MBTPS1: variants seen among roughly 807,000 people sequenced by gnomAD.
MBTPS1 encodes the protein membrane bound transcription factor peptidase, site 1, also known as membrane-bound transcription factor site-1 protease.
MBTPS1 carries 94 observed loss-of-function variants against 127.8 expected under a neutral mutation model. The observed-to-expected ratio is 0.74, with a 90% CI of 0.62 to 0.87. MBTPS1 has a LOEUF of 0.87. MBTPS1 is among the 40% of genes least tolerant of loss of function. MBTPS1 has a pLI of 0.00. For missense variants in MBTPS1, 1,636 were observed against 1,353.2 expected, an observed-to-expected ratio of 1.21 and a Z score of -3.28; for synonymous variants, 632 against 509.4, an observed-to-expected ratio of 1.24 and a Z score of -3.24.
chr16:84,072,114 C>T (rs977996584), intron 12 of MBTPS1: 1 of 152,256 alleles, frequency 6.6e-6, no homozygotes, highest in South Asian at 2.1e-4. Context: ...GGCCGACCCG[C>T]CCAGTGGAGC....
intron 21 of MBTPS1, chr16:84,057,289 T>G (rs2085536439): frequency 6.6e-6 from 1 of 152,252 alleles, no homozygotes; most frequent in Admixed American, 6.5e-5. Flanking sequence ...CAGTGTTAAG[T>G]TACGGAATCA....
chr16:84,097,818 T>G (rs1202265326), intron 3 of MBTPS1, among the ~76,000 whole-genome samples: 1 of 149,948 alleles, frequency 6.7e-6, no homozygotes, highest in African/African-American at 2.5e-5. Flanking sequence ...GGTTTTACTA[T>G]GAAAATTAAA....
intron 15 of MBTPS1, among the ~76,000 whole-genome samples, 199 bp from the exon 16 acceptor site, chr16:84,068,022 G>A (rs1295762988): frequency 6.6e-6 from 1 of 152,264 alleles, no homozygotes; most frequent in African/African-American, 2.4e-5. Context: ...ACTGTGATCT[G>A]ATTTCACTTG....
At chr16:84,088,770 G>A (rs1306553058) in intron 8 of MBTPS1, among the ~76,000 whole-genome samples, 3 of 152,110 alleles carry the variant, frequency 2.0e-5, no homozygotes, top group Non-Finnish European at 4.4e-5. Context: ...GCATGTTACT[G>A]TCCTCAGACC....
chr16:84,072,080 G>C (rs1162368393), intron 12 of MBTPS1: 1 of 152,328 alleles, frequency 6.6e-6, no homozygotes, highest in Non-Finnish European at 1.5e-5. Flanking sequence ...TGCCCAGCAA[G>C]AGATGAACGG....
intron 8 of MBTPS1, among the ~76,000 whole-genome samples, 189 bp from the exon 9 acceptor site, chr16:84,087,649 A>G (rs1251203695): frequency 6.6e-6 from 1 of 152,116 alleles, no homozygotes; most frequent in African/African-American, 2.4e-5. Context: ...TGCCACGTTC[A>G]TGCTGTGCTC....
intron 3 of MBTPS1, 108 bp downstream of exon 3, chr16:84,098,945 T>C (rs1480452459): frequency 8.9e-7 from 1 of 1,124,414 alleles, no homozygotes; most frequent in Non-Finnish European, 1.3e-6. Context: ...ATTAGCAAAC[T>C]AGATGGAAGG....
chr16:84,084,841 A>C, intron 10 of MBTPS1, 142 bp downstream of exon 10: 2 of 743,874 alleles, frequency 2.7e-6, no homozygotes, highest in Non-Finnish European at 4.3e-6. Flanking sequence ...GAGATGAAGA[A>C]GGAGAGACAG....
At chr16:84,076,980 C>T (rs1232205763) in intron 11 of MBTPS1, among the ~76,000 whole-genome samples, 2 of 152,158 alleles carry the variant, frequency 1.3e-5, no homozygotes, top group African/African-American at 4.8e-5. Context: ...CATCCCAGCA[C>T]TTTGGGAGGC....
chr16:84,093,411 A>G (rs2086137110), intron 5 of MBTPS1, 114 bp from the exon 6 acceptor site: 2 of 749,584 alleles, frequency 2.7e-6, no homozygotes, highest in Admixed American at 2.1e-5. Flanking sequence ...TGGATAGAGG[A>G]GGGCCTCTGC....
intron 21 of MBTPS1, 43 bp downstream of exon 21, chr16:84,059,259 C>CA: frequency 6.3e-7 from 1 of 1,582,648 alleles, no homozygotes; most frequent in Non-Finnish European, 8.6e-7. Flanking sequence ...CAATGACTCA[C>CA]AAGCCCCGTG....
intron 11 of MBTPS1, among the ~76,000 whole-genome samples, chr16:84,078,641 A>C (rs1031998701): frequency 4.6e-5 from 7 of 152,388 alleles, no homozygotes; most frequent in Admixed American, 1.3e-4. Context: ...AAAATACTGG[A>C]AACAACTTAA....
chr16:84,065,185 T>C (rs1190278123), intron 18 of MBTPS1, among the ~76,000 whole-genome samples: 1 of 151,798 alleles, frequency 6.6e-6, no homozygotes, highest in African/African-American at 2.4e-5. Flanking sequence ...TGGCATGATC[T>C]TGGGTAACTG....
At chr16:84,114,269 T>G (rs1279945138) in intron 1 of MBTPS1, among the ~76,000 whole-genome samples, 1 of 151,940 alleles carries the variant, frequency 6.6e-6, no homozygotes, top group South Asian at 2.1e-4. Context: ...TCGACAAAGG[T>G]GTATTCGGGT....
At chr16:84,073,506 T>A (rs948431098) in intron 12 of MBTPS1, among the ~76,000 whole-genome samples, 17 of 151,760 alleles carry the variant, frequency 1.1e-4, no homozygotes, top group Non-Finnish European at 2.2e-4. Flanking sequence ...TGCACAATGA[T>A]AACAAAAAAA....
At chr16:84,059,631 A>C (rs2085576328) in intron 20 of MBTPS1, 5 of 469,120 alleles carry the variant, frequency 1.1e-5, no homozygotes, top group Non-Finnish European at 1.9e-5. Context: ...CCATTGCTGA[A>C]GGTGGGTGAG....
At chr16:84,097,083 T>C (rs372387349) in intron 3 of MBTPS1, among the ~76,000 whole-genome samples, 1 of 152,134 alleles carries the variant, frequency 6.6e-6, no homozygotes, top group African/African-American at 2.4e-5. Flanking sequence ...GGACACACCA[T>C]GGGTATCTTC....
At chr16:84,110,033 G>A (rs938489649) in intron 1 of MBTPS1, among the ~76,000 whole-genome samples, 5 of 152,160 alleles carry the variant, frequency 3.3e-5, no homozygotes, top group Non-Finnish European at 7.4e-5. Flanking sequence ...TTCCAAAACA[G>A]GCAGAAAAAA....
chr16:84,107,008 C>G (rs1178911104), intron 1 of MBTPS1, among the ~76,000 whole-genome samples: 2 of 152,174 alleles, frequency 1.3e-5, no homozygotes, highest in Admixed American at 6.5e-5. Context: ...TTGGGAGACA[C>G]CAGCAGGAGC....
Sources: gnomAD v4.1 joint callset for allele counts (sites outside exome capture counted in the v4.1 genomes callset) on GRCh38, gnomAD v4.1.1 for gene constraint, MANE v1.5 for transcripts, NCBI Gene and HGNC (gene_info 2026-07-23, HGNC 2026-07-21) for gene names.